PRKD1: variants seen among roughly 807,000 people sequenced by gnomAD.
PRKD1 encodes serine/threonine-protein kinase D1.
In PRKD1, 63 loss-of-function variants were observed where a neutral mutation model predicts 95.9. The ratio of observed to expected loss-of-function variants is 0.66; its 90% CI spans 0.54 to 0.81. The LOEUF is 0.81. Ranked by LOEUF, PRKD1 falls within the 30% of genes least tolerant of loss-of-function variation. The pLI is 0.00. For synonymous variants in PRKD1, 425 were observed against 423.1 expected, an observed-to-expected ratio of 1.00 and a Z score of -0.05; for missense variants, 1,048 against 1,165.3, an observed-to-expected ratio of 0.90 and a Z score of 1.47.
chr14:29,724,118 T>C (rs541787813), intron 2 of PRKD1, among the ~76,000 whole-genome samples: 8 of 152,246 alleles, frequency 5.3e-5, no homozygotes, highest in African/African-American at 1.7e-4. Context: ...TAAGCAGTCC[T>C]CTCCTACATA....
At chr14:29,839,266 A>C (rs1259100826) in intron 1 of PRKD1, among the ~76,000 whole-genome samples, 1 of 152,238 alleles carries the variant, frequency 6.6e-6, no homozygotes, top group Non-Finnish European at 1.5e-5. Flanking sequence ...GATCAGCTAC[A>C]GCCAATGGCA....
At chr14:29,812,966 C>T (rs1226939486) in intron 1 of PRKD1, among the ~76,000 whole-genome samples, 1 of 152,040 alleles carries the variant, frequency 6.6e-6, no homozygotes, top group African/African-American at 2.4e-5. Context: ...AAAAATTAGC[C>T]AGGCATGGTG....
At chr14:29,865,986 C>G (rs949702953) in intron 1 of PRKD1, among the ~76,000 whole-genome samples, 2 of 152,104 alleles carry the variant, frequency 1.3e-5, no homozygotes, top group African/African-American at 4.8e-5. Flanking sequence ...GTCTTGCACT[C>G]AGTATTCTTT....
chr14:29,616,243 C>CAAA (rs72142312), intron 13 of PRKD1, among the ~76,000 whole-genome samples: 13,557 of 33,156 alleles, frequency 0.41, 4,086 homozygotes, highest in Middle Eastern at 0.6. Flanking sequence ...AGAGTATGGC[C>CAAA]AAAAAAAAAA....
chr14:29,644,057 G>C lies in PRKD1; in HGVS notation c.697-5153C>G, dbSNP rs191618130. Among the ~76,000 whole-genome samples, 4 of 152,280 alleles carry C rather than the reference G, an allele frequency of 2.6e-5. No individual in the cohort carries two copies. The East Asian group carries it at 7.7e-4, about 29-fold the overall frequency. On this transcript the variant is annotated intron_variant, in intron 4 of 17. Transcript: ENST00000331968. ...CAAAGTCCGTGACAAACAGTAAGCA[G>C]TTTCACCTGAGATAAGTGTATGTTT...
In PRKD1 at chr14:29,663,791, T is replaced by C. The variant is rs778140544; in HGVS notation, c.604A>G (p.Arg202Gly). ...IPNNCSGVRR[R>G]RLSNVSLTGV... ...GTGAGGGAAACGTTTGAGAGCCTTC[T>C]CCGCCTCACACCGCTGCAATTGTTG... Residue 202 changes from arginine to glycine, a missense_variant, in exon 4 of 18, where the codon AGA becomes GGA. This residue lies in a region of PRKD1 where 275 missense variants were observed against 248.6 expected (regional missense o/e 1.11). Coordinates refer to ENST00000331968, the MANE Select transcript of PRKD1 (RefSeq NM_002742.3). The C allele has an allele frequency of 1.9e-5, 31 of 1,613,932 alleles. No homozygotes were observed. In the South Asian group the frequency reaches 2.1e-4, roughly 11 times the overall value.
At chr14:29,790,526 T>C (rs1889497398) in intron 1 of PRKD1, among the ~76,000 whole-genome samples, 1 of 152,168 alleles carries the variant, frequency 6.6e-6, no homozygotes, top group Admixed American at 6.5e-5. Context: ...CCCCACGGGA[T>C]TTTTTAATTT....
chr14:29,832,495 A>G (rs969316250), intron 1 of PRKD1, among the ~76,000 whole-genome samples: 7 of 152,002 alleles, frequency 4.6e-5, no homozygotes, highest in Admixed American at 4.6e-4. Context: ...TTTTAATAGT[A>G]TCCTTTATTA....
intron 1 of PRKD1, among the ~76,000 whole-genome samples, chr14:29,862,899 G>T (rs111541013): frequency 0.01 from 1,582 of 152,204 alleles, 24 homozygotes; most frequent in African/African-American, 0.036. Context: ...TGCTGTGGCT[G>T]CCTGTGCTTA....
At chr14:29,639,382 G>A (rs1880602659) in intron 4 of PRKD1, among the ~76,000 whole-genome samples, 1 of 152,268 alleles carries the variant, frequency 6.6e-6, no homozygotes, top group Admixed American at 6.5e-5. Flanking sequence ...CACTTTGGGA[G>A]GCCAAGGCGG....
intron 1 of PRKD1, among the ~76,000 whole-genome samples, chr14:29,788,188 TATC>T (rs1466322585): frequency 2.0e-5 from 3 of 152,188 alleles, no homozygotes; most frequent in Non-Finnish European, 4.4e-5. Flanking sequence ...TTTTTATGCT[TATC>T]ATGTTCTTAG....
chr14:29,788,501 A>G (rs1472543248), intron 1 of PRKD1, among the ~76,000 whole-genome samples: 2 of 152,334 alleles, frequency 1.3e-5, no homozygotes, highest in Admixed American at 6.5e-5. Flanking sequence ...TTTGTTAAAT[A>G]GGTTTTCTAT....
intron 6 of PRKD1, among the ~76,000 whole-genome samples, chr14:29,636,830 C>T (rs1880415991): frequency 6.6e-6 from 1 of 152,060 alleles, no homozygotes; most frequent in South Asian, 2.1e-4. Flanking sequence ...ACCATGTGTT[C>T]TCATCATTTA....
chr14:29,753,589 T>A (rs181522755), intron 1 of PRKD1, among the ~76,000 whole-genome samples: 122 of 152,274 alleles, frequency 8.0e-4, no homozygotes, highest in African/African-American at 2.8e-3. Flanking sequence ...TTTATTTTTC[T>A]CCTTTATTTC....
intron 1 of PRKD1, among the ~76,000 whole-genome samples, chr14:29,727,311 G>A (rs1214699248): frequency 6.6e-6 from 1 of 152,106 alleles, no homozygotes; most frequent in Non-Finnish European, 1.5e-5. Flanking sequence ...TGTCAGATGA[G>A]TAGGTTGCGA....
intron 2 of PRKD1, among the ~76,000 whole-genome samples, chr14:29,675,877 G>C (rs1257121131): frequency 2.0e-5 from 3 of 151,026 alleles, no homozygotes; most frequent in Non-Finnish European, 4.4e-5. Flanking sequence ...ACTATCGCAA[G>C]GACAAAAACA....
chr14:29,879,870 G>A (rs992438157), intron 1 of PRKD1, among the ~76,000 whole-genome samples: 7 of 152,178 alleles, frequency 4.6e-5, no homozygotes, highest in African/African-American at 1.4e-4. Context: ...CTAGAGATCT[G>A]TGGAACTTTG....
chr14:29,653,714 A>C (rs1413672556), intron 4 of PRKD1, among the ~76,000 whole-genome samples: 1 of 152,126 alleles, frequency 6.6e-6, no homozygotes, highest in Non-Finnish European at 1.5e-5. Flanking sequence ...TGTCTTCTCC[A>C]TGTGAAAAAA....
At chr14:29,734,639 C>G (rs1439604061) in intron 1 of PRKD1, among the ~76,000 whole-genome samples, 1 of 152,126 alleles carries the variant, frequency 6.6e-6, no homozygotes, top group Non-Finnish European at 1.5e-5. Flanking sequence ...TCGAATGTCT[C>G]TCAGCCCTAT....
Sources: allele counts gnomAD v4.1 joint callset (sites outside exome capture counted in the v4.1 genomes callset), GRCh38; gene constraint gnomAD v4.1.1; regional missense constraint gnomAD v4.1.1; transcripts MANE v1.5; gene names NCBI Gene and HGNC (gene_info 2026-07-23, HGNC 2026-07-21).